The following PLEC variants were observed in gnomAD, a reference collection of about 807,000 sequenced individuals.
PLEC encodes the protein plectin.
PLEC carries 216 observed loss-of-function variants against 392.8 expected under a neutral mutation model. The observed-to-expected ratio is 0.55, with a 90% CI of 0.49 to 0.62. The LOEUF is 0.62. Ranked by LOEUF, PLEC falls within the 20% of genes least tolerant of loss-of-function variation. PLEC has a pLI of 0.00. For missense variants in PLEC, 6,863 were observed against 6,563.4 expected (o/e 1.05, Z -1.58); for synonymous variants, 3,621 against 2,980.6 (o/e 1.21, Z -7.00).
At chr8:143,946,001 G>C (rs1346421678) in intron 1 of PLEC, among the ~76,000 whole-genome samples, 1 of 152,256 alleles carries the variant, frequency 6.6e-6, no homozygotes, top group Admixed American at 6.5e-5. Flanking sequence ...GCCAGCAGTG[G>C]GCAGGGGCCG....
In PLEC at chr8:143,920,839, G is replaced by A. The variant is rs199939619; in HGVS notation, c.8982C>T (p.Arg2994=). 38 of 1,608,850 alleles carry A rather than the reference G, an allele frequency of 2.4e-5. No individual in the cohort carries two copies. Among genetic ancestry groups the A allele is most frequent in the South Asian group, 1.6e-4 (15 of 91,070 alleles). The change falls in exon 32 of 32, where the codon CGC becomes CGT. Residue 2994 remains arginine (R), a synonymous_variant. Transcript: ENST00000345136. ...CTCGCTGCAGCTGCTGGTAGAGCTC[G>A]CGGTCGATGACCCTGCTCTCCAGCA... ...AELLESRVID[R]ELYQQLQRGE...
upstream of PLEC, among the ~76,000 whole-genome samples, chr8:143,975,883 C>T (rs76676481): frequency 0.013 from 1,912 of 152,254 alleles, 38 homozygotes; most frequent in African/African-American, 0.043. This position sits in a 1 kb window ranked among gnomAD's most constrained non-coding sequence, Gnocchi z 9.9. Flanking sequence ...AAACTGGACC[C>T]GCCTCTAACC....
At chr8:143,929,864 G>A (rs1295547669) in intron 22 of PLEC, 35 bp from the exon 23 acceptor site, 1 of 1,600,318 alleles carries the variant, frequency 6.2e-7, no homozygotes, top group African/African-American at 1.3e-5. Context: ...TGCCGGGCGA[G>A]GCGGCCGTGC....
rs1554715506 is a variant in PLEC, at chr8:143,931,608, C to T, written c.2230G>A (p.Ala744Thr). 1.9e-6 allele frequency: 3 copies of T among 1,600,578 alleles called. No homozygotes were observed. Among genetic ancestry groups the T allele is most frequent in the South Asian group, 2.3e-5 (2 of 88,774 alleles). Residue 744 changes from alanine (A) to threonine (T), a missense_variant, in exon 19 of 32, where the codon GCA becomes ACA. Transcript: ENST00000345136. ...TCACAACTGTATTTCCTACGCAGTG[C>T]CTCCTGCAGCTTCTGCAACTGCCCC... The part of the protein sequence containing the change: ...AEGQLQKLQE[A>T]LRRKYSCDRS...
chr8:143,973,052 G>A lies in PLEC; in HGVS notation c.70+351C>T, dbSNP rs1833509936. On this transcript the variant is annotated intron_variant, in intron 1 of 31. Transcript: ENST00000356346. This position sits in a 1 kb window ranked among gnomAD's most constrained non-coding sequence, Gnocchi z 5.6. ...CTGTTCCATGCAGACGCGCCCCAGA[G>A]GTGGGGCAGGGGATGGCTCAGCCTT... 6.6e-6 allele frequency among the ~76,000 whole-genome samples: 1 copy of A among 152,204 alleles called. No homozygotes were observed. Among genetic ancestry groups the A allele is most frequent in the African/African-American group, 2.4e-5 (1 of 41,470 alleles).
Position 143,916,129 on chromosome 8 carries a change from TG to T in PLEC, c.*47del. 1.4e-6 allele frequency: 2 copies of T among 1,427,116 alleles called. No individual in the cohort carries two copies. Among genetic ancestry groups the T allele is most frequent in the South Asian group, 1.4e-5 (1 of 71,288 alleles). 88.4% of individuals were successfully genotyped at this position (1,427,116 alleles called of 1,614,324 possible). A position where few individuals can be genotyped will look rare whatever the true frequency, so the allele number is the denominator to read the frequency against. Reference sequence around the variant, plus strand: ...GTTGAAAACGGCCCCCGCGCCTCGGTGGGAGCCGGGCTGGGCCGCATGCAGA... The same window carrying T: ...GTTGAAAACGGCCCCCGCGCCTCGGTGGAGCCGGGCTGGGCCGCATGCAGA... On this transcript the variant is annotated 3_prime_UTR_variant, in exon 32 of 32. Coordinates refer to ENST00000345136, the MANE Select transcript of PLEC (RefSeq NM_201384.3).
At chr8:143,926,644 G>C in intron 30 of PLEC, 140 bp downstream of exon 30, 1 of 783,338 alleles carries the variant, frequency 1.3e-6, no homozygotes. Context: ...TGAGCTGGGG[G>C]CAGGGGGTGC....
At chr8:143,961,055 A>G (rs1282328058) in intron 1 of PLEC, among the ~76,000 whole-genome samples, 1 of 152,222 alleles carries the variant, frequency 6.6e-6, no homozygotes, top group Non-Finnish European at 1.5e-5. Flanking sequence ...GTCTGCTCGG[A>G]CACACACTGC....
intron 19 of PLEC, among the ~76,000 whole-genome samples, chr8:143,931,317 C>T (rs1431728661): frequency 4.6e-5 from 5 of 108,266 alleles, no homozygotes; most frequent in Non-Finnish European, 1.2e-4. Context: ...TGCCTCCCAA[C>T]TCCTGCTGGC....
Position 143,924,546 on chromosome 8 carries a change from G to T in PLEC, c.5383C>A (p.Arg1795=), listed in dbSNP as rs782002901. The T allele has an allele frequency of 6.5e-7, 1 of 1,541,654 alleles. No individual in the cohort carries two copies. The highest frequency in any genetic ancestry group is 1.2e-5 in the South Asian group (1 of 84,966). ...SKQRLEAEAG[R]FRELAEEAAR... is the part of the protein sequence containing the mutation. ...GCCTCCTCGGCCAGCTCGCGGAACC[G>T]GCCGGCCTCGGCCTCCAGCCTCTGC... The change falls in exon 31 of 32, where the codon CGG becomes AGG. Residue 1795 remains arginine (R), a synonymous_variant. Transcript: ENST00000345136.
At chr8:143,959,581 C>T (rs1554740180) in intron 1 of PLEC, among the ~76,000 whole-genome samples, 1 of 152,272 alleles carries the variant, frequency 6.6e-6, no homozygotes, top group East Asian at 1.9e-4. Context: ...ACAGCGAGGC[C>T]ATGTGACTTG....
In PLEC at chr8:143,932,171, G is replaced by C; in HGVS notation, c.2041C>G (p.Arg681Gly). The C allele has an allele frequency of 6.2e-7, 1 of 1,612,110 alleles. No homozygotes were observed. The stretch of plus-strand genomic sequence containing the variant: ...GCCGGGTGGTCCTCCCGCAGCAGCC[G>C]GTCCCCAGCATTTTGGAGCTCCTTG... ...KIKELQNAGD[R>G]LLREDHPARP... is the part of the protein sequence containing the mutation. Residue 681 changes from arginine (R) to glycine (G), a missense_variant, in exon 17 of 32, where the codon CGG (arginine) becomes GGG (glycine). Arg to Gly is a moderately radical substitution (Grantham distance 125, BLOSUM62 -2). Coordinates refer to ENST00000345136, the MANE Select transcript of PLEC (RefSeq NM_201384.3).
intron 25 of PLEC, 62 bp from the exon 26 acceptor site, chr8:143,928,054 G>T: frequency 6.6e-7 from 1 of 1,525,868 alleles, no homozygotes; most frequent in South Asian, 1.2e-5. Flanking sequence ...CAAGGGAATG[G>T]AACCCAAGCC....
chr8:143,917,955 C>T lies in PLEC; in HGVS notation c.11866G>A (p.Gly3956Ser). The stretch of plus-strand genomic sequence containing the variant: ...AAGGCTGTGCCGGGGCGGATGATGC[C>T]CTTCTTCATGGCCTGGTACACCGAG... ...RLSVYQAMKK[G>S]IIRPGTAFEL... The change falls in exon 32 of 32, where the codon GGC becomes AGC. Residue 3956 changes from glycine to serine, a missense_variant. By Grantham distance (56) the Gly-to-Ser change is moderately conservative. Transcript: ENST00000345136. The T allele has an allele frequency of 6.2e-7, 1 of 1,612,992 alleles. No homozygotes were observed. The highest frequency in any genetic ancestry group is 1.1e-5 in the South Asian group (1 of 91,078).
chr8:143,933,588 T>C (rs782320611), intron 12 of PLEC, among the ~76,000 whole-genome samples: 4 of 152,068 alleles, frequency 2.6e-5, no homozygotes, highest in Non-Finnish European at 4.4e-5. Flanking sequence ...CCCATGACCA[T>C]GTCTGTGGGG....
intron 1 of PLEC, among the ~76,000 whole-genome samples, chr8:143,966,681 TC>T (rs1472649616): frequency 6.7e-6 from 1 of 150,046 alleles, no homozygotes; most frequent in Non-Finnish European, 1.5e-5. Flanking sequence ...CAACACATAG[TC>T]CCCGCGTCAG....
At chr8:143,953,652 G>T, upstream of PLEC, 2 of 1,497,484 alleles carry the variant, frequency 1.3e-6, no homozygotes, top group Non-Finnish European at 9.2e-7. Flanking sequence ...CCGCCACCCT[G>T]CGTGGACTGC....
Position 143,934,428 on chromosome 8 carries a change from G to A in PLEC, c.1059C>T (p.Gly353=), listed in dbSNP as rs1436650676. The A allele has an allele frequency of 8.7e-6, 14 of 1,611,224 alleles. No homozygotes were observed. Among genetic ancestry groups the A allele is most frequent in the Middle Eastern group, 1.6e-4 (1 of 6,076 alleles). The change falls in exon 11 of 32, where the codon GGC becomes GGT. Residue 353 remains glycine, a synonymous_variant. Transcript: ENST00000345136. The part of the protein sequence containing the change: ...YQSLEGAVQA[G]QLKVPPGYHP... ...GGTAGCCAGGGGGCACCTTGAGCTG[G>A]CCTGCTTGCACCGCTCCCTGTAGAC... is the stretch of plus-strand genomic sequence containing the variant.
At chr8:143,961,470 C>T (rs181448596) in intron 1 of PLEC, among the ~76,000 whole-genome samples, 38 of 152,282 alleles carry the variant, frequency 2.5e-4, no homozygotes, top group African/African-American at 7.9e-4. Context: ...GTGATCTGCC[C>T]AACTCGGCCC....
Sources: allele counts gnomAD v4.1 joint callset (sites outside exome capture counted in the v4.1 genomes callset), GRCh38; gene constraint gnomAD v4.1.1; non-coding constraint Gnocchi (gnomAD v3.1); transcripts MANE v1.5; gene names NCBI Gene and HGNC (gene_info 2026-07-23, HGNC 2026-07-21).